The following SLC39A12 variants were observed in gnomAD, a reference collection of about 807,000 sequenced individuals.
SLC39A12 encodes the protein solute carrier family 39 member 12.
In SLC39A12, 63 loss-of-function variants were observed where a neutral mutation model predicts 71.1. The observed-to-expected ratio is 0.89, with a 90% CI of 0.72 to 1.09. The LOEUF (loss-of-function observed/expected upper bound fraction) is 1.09, where lower values mean the gene tolerates loss of function less well. Among genes scored for constraint, SLC39A12 ranks in the 50% least tolerant of loss-of-function variants. The pLI is 0.00. For synonymous variants in SLC39A12, 351 were observed against 301.3 expected, an observed-to-expected ratio of 1.16 and a Z score of -1.71; for missense variants, 892 against 812.6, an observed-to-expected ratio of 1.10 and a Z score of -1.19.
chr10:17,991,533 TG>T (rs1445026498), intron 8 of SLC39A12, among the ~76,000 whole-genome samples: 1 of 152,192 alleles, frequency 6.6e-6, no homozygotes, highest in East Asian at 1.9e-4. Flanking sequence ...CCTTCATGGT[TG>T]GTTTAGGAAC....
chr10:17,998,342 A>G (rs1445356462), intron 10 of SLC39A12, among the ~76,000 whole-genome samples: 3 of 152,352 alleles, frequency 2.0e-5, no homozygotes, highest in Admixed American at 6.5e-5. Flanking sequence ...ATATGCTATT[A>G]ATATCAAGGC....
intron 12 of SLC39A12, among the ~76,000 whole-genome samples, chr10:18,024,564 A>T (rs1450879698): frequency 6.6e-6 from 1 of 151,570 alleles, no homozygotes; most frequent in Non-Finnish European, 1.5e-5. Context: ...GATTCTAAAC[A>T]TGCCCTCCTG....
rs574938816 is a variant in SLC39A12 at position 18,029,191 on chromosome 10, A to C, written c.1948-13514A>C. The stretch of plus-strand genomic sequence containing the variant: ...CAGCCCAAAACATTTTCTTAATGTC[A>C]CTTTCTAAAATGTTCAGAAATGCTA... On this transcript the variant is annotated intron_variant, in intron 12 of 12. Transcript: ENST00000377369. 7.9e-5 allele frequency among the ~76,000 whole-genome samples: 12 copies of C among 152,280 alleles called. 1 individual carries two copies. The East Asian group carries it at 2.3e-3, about 29-fold the overall frequency.
chr10:17,999,802 C>T (rs777009634), intron 10 of SLC39A12, among the ~76,000 whole-genome samples: 4 of 152,218 alleles, frequency 2.6e-5, no homozygotes, highest in Admixed American at 6.5e-5. Flanking sequence ...GTCGTGGTTC[C>T]GTTGAAGTCA....
intron 12 of SLC39A12, among the ~76,000 whole-genome samples, chr10:18,026,943 C>G (rs905871699): frequency 2.6e-5 from 4 of 151,884 alleles, no homozygotes; most frequent in African/African-American, 4.8e-5. Flanking sequence ...TTATTAAGTT[C>G]CTTAACATAT....
intron 10 of SLC39A12, among the ~76,000 whole-genome samples, chr10:17,996,873 C>T (rs930408668): frequency 4.0e-5 from 6 of 151,898 alleles, no homozygotes; most frequent in South Asian, 4.2e-4. Flanking sequence ...TGGCGGGCTC[C>T]TGTAGTCCCA....
chr10:18,034,782 G>A (rs1400775752), intron 12 of SLC39A12, among the ~76,000 whole-genome samples: 36 of 150,366 alleles, frequency 2.4e-4, no homozygotes, highest in Non-Finnish European at 4.3e-4. Flanking sequence ...GCAGCGGCTG[G>A]TACCGGTTGT....
chr10:17,999,460 G>T (rs755906714), intron 10 of SLC39A12, among the ~76,000 whole-genome samples: 1 of 152,112 alleles, frequency 6.6e-6, no homozygotes, highest in Non-Finnish European at 1.5e-5. Context: ...GGTCTACCTA[G>T]GCAGATTACT....
chr10:17,991,324 T>A (rs1208271921), intron 8 of SLC39A12, 21 bp downstream of exon 8: 1 of 1,548,218 alleles, frequency 6.5e-7, no homozygotes, highest in Non-Finnish European at 8.7e-7. Context: ...AAGTTTTATT[T>A]GTCTTGTGCT....
chr10:18,025,890 G>A (rs1165254630), intron 12 of SLC39A12, among the ~76,000 whole-genome samples: 3 of 152,118 alleles, frequency 2.0e-5, no homozygotes, highest in Non-Finnish European at 4.4e-5. Context: ...TTGTGCTAGA[G>A]TTGCACTGTA....
At chr10:17,964,478 C>T (rs554703435) in intron 3 of SLC39A12, among the ~76,000 whole-genome samples, 21 of 152,362 alleles carry the variant, frequency 1.4e-4, no homozygotes, top group African/African-American at 5.0e-4. Context: ...AATTTATTTT[C>T]TCCTTCACTT....
At chr10:18,030,802 C>T (rs1346388849) in intron 12 of SLC39A12, among the ~76,000 whole-genome samples, 1 of 116,136 alleles carries the variant, frequency 8.6e-6, no homozygotes, top group African/African-American at 3.2e-5. Flanking sequence ...CCCCCCTCCC[C>T]CCACCCCACC....
intron 10 of SLC39A12, among the ~76,000 whole-genome samples, chr10:17,997,274 A>T (rs950585650): frequency 7.9e-5 from 12 of 152,202 alleles, no homozygotes; most frequent in Non-Finnish European, 1.0e-4. Flanking sequence ...GTAGTCAGGG[A>T]TAGAAATACT....
chr10:18,018,817 G>A (rs1344400855), intron 12 of SLC39A12, among the ~76,000 whole-genome samples: 2 of 152,180 alleles, frequency 1.3e-5, no homozygotes, highest in South Asian at 2.1e-4. Context: ...ATATTTTTGA[G>A]AAGCGTTGGT....
chr10:18,021,891 G>A (rs1213286384), intron 12 of SLC39A12, among the ~76,000 whole-genome samples: 1 of 152,108 alleles, frequency 6.6e-6, no homozygotes, highest in Non-Finnish European at 1.5e-5. Flanking sequence ...TAGTTTTGCT[G>A]GATATGAAAT....
chr10:17,978,221 G>A (rs912861766), intron 5 of SLC39A12, 147 bp downstream of exon 5: 26 of 633,042 alleles, frequency 4.1e-5, no homozygotes, highest in African/African-American at 9.5e-5. Context: ...ACGTAGTTAC[G>A]GTTTTCTTTT....
At chr10:17,966,923 G>A (rs1007306620) in intron 4 of SLC39A12, among the ~76,000 whole-genome samples, 5 of 151,728 alleles carry the variant, frequency 3.3e-5, no homozygotes, top group African/African-American at 9.7e-5. Context: ...GCGGTATGTC[G>A]AGATTGCGCC....
At chr10:17,990,869 A>T (rs1589234783) in intron 7 of SLC39A12, among the ~76,000 whole-genome samples, 2 of 152,210 alleles carry the variant, frequency 1.3e-5, no homozygotes, top group African/African-American at 4.8e-5. Context: ...ACTTGCAGAA[A>T]TAAAGCTTAG....
At chr10:18,035,899 AC>A (rs1440486546) in intron 12 of SLC39A12, among the ~76,000 whole-genome samples, 11 of 151,876 alleles carry the variant, frequency 7.2e-5, no homozygotes, top group Admixed American at 1.3e-4. Flanking sequence ...CTGTTGGAAT[AC>A]CCTGCCGTGT....
Sources: allele counts gnomAD v4.1 joint callset (sites outside exome capture counted in the v4.1 genomes callset), GRCh38; gene constraint gnomAD v4.1.1; transcripts MANE v1.5; gene names NCBI Gene and HGNC (gene_info 2026-07-23, HGNC 2026-07-21).